The following CRB1 variants were observed in gnomAD, a reference collection of about 807,000 sequenced individuals.
The protein encoded by CRB1 is protein crumbs homolog 1.
In CRB1, 83 loss-of-function variants were observed where a neutral mutation model predicts 120.0. That is an observed-to-expected ratio of 0.69 (90% CI 0.58 to 0.83). CRB1 has a LOEUF of 0.83. Ranked by LOEUF, CRB1 falls within the 40% of genes least tolerant of loss-of-function variation. CRB1 has a pLI of 0.00. For missense variants in CRB1, 1,699 were observed against 1,687.6 expected, an observed-to-expected ratio of 1.01 and a Z score of -0.12; for synonymous variants, 625 against 612.5, an observed-to-expected ratio of 1.02 and a Z score of -0.30.
rs191615066 is a variant in CRB1, at chr1:197,280,762, C to A, written c.70+12280C>A. Among the ~76,000 whole-genome samples, 279 of 151,918 alleles carry A rather than the reference C, an allele frequency of 1.8e-3. 1 individual carries two copies. Among genetic ancestry groups the A allele is most frequent in the African/African-American group, 6.5e-3 (270 of 41,504 alleles). ...GGATAGTTTTTATTATGTCCTTTTT[C>A]TAGTAGATATTTCACTGTTAATTGT... On this transcript the variant is annotated intron_variant, in intron 1 of 11. Transcript: ENST00000367400.
rs2125471177 is a variant in CRB1 at position 197,421,681 on chromosome 1, TG to T, written c.1856del (p.Gly619GlufsTer2). ...AACTCCTTTTTGGGTGGTTTACCAG[TG>T]GGAATGACCAGCAATGGTGTTGCTC... ...FQNSFLGGLP[V>X]GMTSNGVALL... On this transcript the variant is annotated frameshift_variant, in exon 6 of 12. Transcript: ENST00000367400. LOFTEE classifies it high-confidence loss of function. 1.9e-6 allele frequency: 3 copies of T among 1,614,164 alleles called. No individual in the cohort carries two copies. The highest frequency in any genetic ancestry group is 2.5e-6 in the Non-Finnish European group (3 of 1,180,036).
chr1:197,374,960 C>G (rs1017616165), intron 5 of CRB1, among the ~76,000 whole-genome samples: 2 of 152,102 alleles, frequency 1.3e-5, no homozygotes, highest in Admixed American at 6.6e-5. Context: ...TAATCCCAAT[C>G]TGATTGATGG....
chr1:197,215,496 C>T, the CRB1 span, among the ~76,000 whole-genome samples: 7 of 152,140 alleles, frequency 4.6e-5, no homozygotes, highest in East Asian at 1.9e-4. Context: ...AGGCTGGTCT[C>T]GAACTCCCAA....
intron 1 of CRB1, among the ~76,000 whole-genome samples, chr1:197,318,915 T>C (rs1490381780): frequency 6.6e-6 from 1 of 152,196 alleles, no homozygotes; most frequent in Admixed American, 6.5e-5. Flanking sequence ...AGTTCTGGTG[T>C]TCTGTTGAAT....
upstream of CRB1, among the ~76,000 whole-genome samples, chr1:197,266,233 G>C (rs573644407): frequency 5.9e-5 from 9 of 152,104 alleles, no homozygotes; most frequent in South Asian, 1.9e-3. Flanking sequence ...AAGAGAAATT[G>C]ACTTCTTATA....
chr1:197,271,291 G>A (rs1020343194), intron 1 of CRB1, among the ~76,000 whole-genome samples: 1 of 152,126 alleles, frequency 6.6e-6, no homozygotes, highest in African/African-American at 2.4e-5. Context: ...TTTGAAATAT[G>A]TTCCCTTAAA....
chr1:197,344,985 G>A lies in CRB1; in HGVS notation c.848+509G>A, dbSNP rs558316817. ...TGAGAAAGCATAATGGCGAGAAATA[G>A]CCATGTGATTCTGCTTCAAATTGAA... On this transcript the variant is annotated intron_variant, in intron 3 of 11. Transcript: ENST00000367400. Among the ~76,000 whole-genome samples, 9 of 152,288 alleles carry A rather than the reference G, an allele frequency of 5.9e-5. No homozygotes were observed. The South Asian group carries it at 1.9e-3, about 32-fold the overall frequency.
At position 197,435,533 on chromosome 1, in the gene CRB1, G is replaced by A. The variant is rs377217637; in HGVS notation, c.3670G>A (p.Ala1224Thr). 3.1e-6 allele frequency: 5 copies of A among 1,613,128 alleles called. No individual in the cohort carries two copies. Residue 1224 changes from alanine to threonine, a missense_variant, in exon 9 of 12, where the codon GCA (alanine) becomes ACA (threonine). Coordinates refer to ENST00000367400, the MANE Select transcript of CRB1 (RefSeq NM_201253.3). ...AGACAACTGCCAGAGTCACCAGTGT[G>A]CAAATGGAGCCACCTGCATTAGTCA... is the stretch of plus-strand genomic sequence containing the variant. ...DIDNCQSHQC[A>T]NGATCISHTN...
chr1:197,283,651 G>C (rs1655665091), intron 1 of CRB1, among the ~76,000 whole-genome samples: 1 of 151,616 alleles, frequency 6.6e-6, no homozygotes, highest in Admixed American at 6.6e-5. Context: ...ATATACCACA[G>C]TTTCTTTATA....
intron 5 of CRB1, among the ~76,000 whole-genome samples, chr1:197,418,398 A>G (rs571579877): frequency 2.6e-5 from 4 of 152,288 alleles, no homozygotes; most frequent in Non-Finnish European, 4.4e-5. Context: ...TATTCTTTCT[A>G]TCCATCAAAC....
the CRB1 span, among the ~76,000 whole-genome samples, chr1:197,229,635 T>G: frequency 1.3e-5 from 2 of 152,102 alleles, no homozygotes; most frequent in Non-Finnish European, 2.9e-5. Context: ...TGGTTCCCAG[T>G]GTCTGTTGTT....
At chr1:197,338,568 A>C (rs1659281465) in intron 2 of CRB1, among the ~76,000 whole-genome samples, 1 of 152,190 alleles carries the variant, frequency 6.6e-6, no homozygotes, top group South Asian at 2.1e-4. Context: ...TGAAACTGTC[A>C]AGAACATTCT....
intron 5 of CRB1, among the ~76,000 whole-genome samples, chr1:197,358,762 C>T (rs1459049632): frequency 1.3e-5 from 2 of 151,306 alleles, no homozygotes; most frequent in African/African-American, 2.4e-5. Flanking sequence ...GGGCCAACCA[C>T]TACAAGTAAT....
intron 5 of CRB1, among the ~76,000 whole-genome samples, chr1:197,359,952 T>A (rs1471516400): frequency 6.6e-6 from 1 of 152,224 alleles, no homozygotes; most frequent in Non-Finnish European, 1.5e-5. Context: ...GTTGTTTTTA[T>A]TTTTTTAACT....
intron 11 of CRB1, among the ~76,000 whole-genome samples, chr1:197,445,190 C>T (rs1040816142): frequency 2.0e-5 from 3 of 152,166 alleles, no homozygotes; most frequent in Admixed American, 2.0e-4. Context: ...ACACTAACTC[C>T]TCTGGACCAA....
chr1:197,335,152 T>C (rs1225881476), intron 2 of CRB1, among the ~76,000 whole-genome samples: 2 of 152,048 alleles, frequency 1.3e-5, no homozygotes, highest in African/African-American at 4.8e-5. Context: ...GTCCTTGCAA[T>C]GTTTGAGGAG....
chr1:197,358,092 A>G, intron 5 of CRB1: 1 of 152,242 alleles, frequency 6.6e-6, no homozygotes, highest in East Asian at 1.9e-4. Context: ...TTTCCCAATT[A>G]TGTAAGCTGC....
chr1:197,427,688 T>G lies in CRB1; in HGVS notation c.2363T>G (p.Leu788Arg), dbSNP rs1664662355. The part of the protein sequence containing the change: ...NSPKLVVKFV[L>R]NDGNVHLISL... ...CCCAAATTAGTAGTAAAATTTGTTC[T>G]TAATGATGGAAATGTCCACTTGATA... is the stretch of plus-strand genomic sequence containing the variant. Residue 788 changes from leucine to arginine, a missense_variant, in exon 7 of 12, where the codon CTT becomes CGT. Transcript: ENST00000367400. The G allele has an allele frequency of 2.5e-6, 4 of 1,613,946 alleles. No individual in the cohort carries two copies. The highest frequency in any genetic ancestry group is 3.4e-6 in the Non-Finnish European group (4 of 1,179,926).
Position 197,427,470 on chromosome 1 carries a change from A to T in CRB1, c.2145A>T (p.Arg715Ser). 6 of 1,613,474 alleles carry T rather than the reference A, an allele frequency of 3.7e-6. No homozygotes were observed. Among genetic ancestry groups the T allele is most frequent in the African/African-American group, 1.3e-5 (1 of 74,798 alleles). ...PNCLREYVAG[R>S]FGQDDSTGYV... Reference sequence around the variant, plus strand: ...ACATTGAAGAGTATGTGGCAGGCAGATTTGGCCAGGATGACTCCACTGGTT... The same window carrying T: ...ACATTGAAGAGTATGTGGCAGGCAGTTTTGGCCAGGATGACTCCACTGGTT... The change falls in exon 7 of 12, where the codon AGA (arginine) becomes AGT (serine). Residue 715 changes from arginine to serine, a missense_variant. Coordinates refer to ENST00000367400, the MANE Select transcript of CRB1 (RefSeq NM_201253.3).
Sources: allele counts gnomAD v4.1 joint callset (sites outside exome capture counted in the v4.1 genomes callset), GRCh38; gene constraint gnomAD v4.1.1; transcripts MANE v1.5; gene names NCBI Gene and HGNC (gene_info 2026-07-23, HGNC 2026-07-21).